Variants in LRIG1 observed in about 807,000 individuals in gnomAD.
LRIG1 encodes leucine-rich repeats and immunoglobulin-like domains protein 1.
Under a neutral mutation model 99.2 loss-of-function variants are expected in LRIG1, and 48 were observed. The observed-to-expected ratio is 0.48, with a 90% CI of 0.38 to 0.62. The LOEUF is 0.62. LRIG1 is among the 20% of genes least tolerant of loss of function. LRIG1 has a pLI of 0.00. For synonymous variants in LRIG1, 772 were observed against 596.1 expected (o/e 1.29, Z -4.30); for missense variants, 1,646 against 1,434.4 (o/e 1.15, Z -2.38).
At chr3:66,410,769 T>C (rs553644128) in intron 6 of LRIG1, among the ~76,000 whole-genome samples, 3 of 152,284 alleles carry the variant, frequency 2.0e-5, no homozygotes, top group African/African-American at 7.2e-5. Context: ...GGAGAGCGAA[T>C]AGGAGGCGGC....
chr3:66,465,601 G>T (rs867052195), intron 1 of LRIG1, among the ~76,000 whole-genome samples: 84 of 151,916 alleles, frequency 5.5e-4, no homozygotes, highest in Middle Eastern at 3.4e-3. Flanking sequence ...CCTGACCTCA[G>T]GTGATCCACC....
At chr3:66,461,324 C>A (rs1355049479) in intron 2 of LRIG1, among the ~76,000 whole-genome samples, 1 of 151,862 alleles carries the variant, frequency 6.6e-6, no homozygotes, top group South Asian at 2.1e-4. Flanking sequence ...AACAAACAAA[C>A]AAAAAACAAC....
chr3:66,475,316 C>T (rs1209129468), intron 1 of LRIG1, among the ~76,000 whole-genome samples: 2 of 152,158 alleles, frequency 1.3e-5, no homozygotes, highest in African/African-American at 2.4e-5. Flanking sequence ...GAATGACTTG[C>T]GTCTGCATAC....
rs572173862 is a variant in LRIG1 at position 66,380,394 on chromosome 3, CCG to C, written c.3149_3150del (p.Ala1050GlyfsTer17). 1.4e-3 allele frequency: 2,316 copies of C among 1,614,158 alleles called. 1 individual carries two copies. Among genetic ancestry groups the C allele is most frequent in the Non-Finnish European group, 1.8e-3 (2,093 of 1,180,034 alleles). ...TTGGAAACAAGCAAGTACTGGGCTTCCGCGCGCTCTGGACTGCCTGAAGTTAA... is the reference window on the plus strand; with the variant it reads ...TTGGAAACAAGCAAGTACTGGGCTTCCGCGCTCTGGACTGCCTGAAGTTAA... ...SSLTSGSPER[A>X]EAQYLLVSNG... On this transcript the variant is annotated frameshift_variant, in exon 19 of 19. Coordinates refer to ENST00000273261, the MANE Select transcript of LRIG1 (RefSeq NM_015541.3). LOFTEE classifies it low-confidence loss of function (END_TRUNC).
chr3:66,443,911 T>C (rs182251938), intron 3 of LRIG1, among the ~76,000 whole-genome samples: 4 of 152,258 alleles, frequency 2.6e-5, no homozygotes, highest in Non-Finnish European at 5.9e-5. Context: ...AATCTGGTCA[T>C]AAACAATGCA....
intron 1 of LRIG1, among the ~76,000 whole-genome samples, chr3:66,475,099 T>C (rs142148030): frequency 7.5e-4 from 114 of 152,308 alleles, no homozygotes; most frequent in African/African-American, 2.6e-3. Context: ...ATCAGCTACA[T>C]TGAGGCAGCT....
At chr3:66,489,425 G>A (rs1701049644) in intron 1 of LRIG1, among the ~76,000 whole-genome samples, 1 of 152,150 alleles carries the variant, frequency 6.6e-6, no homozygotes. Flanking sequence ...AGTAGACTGA[G>A]GTAGGAGGAT....
chr3:66,381,484 T>G lies in LRIG1; in HGVS notation c.2765A>C (p.Lys922Thr). Residue 922 changes from lysine (K) to threonine (T), a missense_variant, in exon 17 of 19, where the codon AAG becomes ACG. Coordinates refer to ENST00000273261, the MANE Select transcript of LRIG1 (RefSeq NM_015541.3). ...EKAEGTPGPH[K>T]MEHGGRVVCS... ...CAATGGGAAGCATCTCATACCCATC[T>G]TATGTGGCCCAGGTGTCCCTTCAGC... The G allele has an allele frequency of 6.2e-7, 1 of 1,612,960 alleles. No homozygotes were observed. Among genetic ancestry groups the G allele is most frequent in the South Asian group, 1.1e-5 (1 of 91,064 alleles).
intron 1 of LRIG1, among the ~76,000 whole-genome samples, chr3:66,480,005 G>A (rs908272093): frequency 2.0e-5 from 3 of 152,066 alleles, no homozygotes; most frequent in Admixed American, 6.6e-5. Flanking sequence ...AAAAACTTAC[G>A]CACAAATGTT....
At chr3:66,401,730 T>G (rs1282470660) in intron 9 of LRIG1, 2 of 1,308,356 alleles carry the variant, frequency 1.5e-6, no homozygotes, top group Non-Finnish European at 1.0e-6. Flanking sequence ...GAGGACACTA[T>G]TTCTGTACCA....
chr3:66,452,655 A>C (rs1260364179), intron 2 of LRIG1, among the ~76,000 whole-genome samples: 3 of 152,180 alleles, frequency 2.0e-5, no homozygotes, highest in Admixed American at 2.0e-4. Context: ...AAGCAACTGA[A>C]ATCACAGCTG....
chr3:66,469,983 G>A (rs1700560296), intron 1 of LRIG1, among the ~76,000 whole-genome samples: 1 of 151,718 alleles, frequency 6.6e-6, no homozygotes, highest in Non-Finnish European at 1.5e-5. Flanking sequence ...ATTCTGTAAT[G>A]GTAGATCAGT....
At chr3:66,418,482 C>A (rs1251978271) in intron 3 of LRIG1, among the ~76,000 whole-genome samples, 1 of 152,218 alleles carries the variant, frequency 6.6e-6, no homozygotes, top group African/African-American at 2.4e-5. Context: ...CTAGCCAAGG[C>A]TAGAGGTAGC....
chr3:66,412,344 C>T (rs913898462), intron 6 of LRIG1, among the ~76,000 whole-genome samples: 3 of 152,158 alleles, frequency 2.0e-5, no homozygotes, highest in African/African-American at 4.8e-5. Flanking sequence ...GGGTCTGTTC[C>T]GCAGCCCCAC....
intron 1 of LRIG1, among the ~76,000 whole-genome samples, chr3:66,470,148 A>T (rs960688266): frequency 2.0e-5 from 3 of 152,176 alleles, no homozygotes; most frequent in African/African-American, 7.2e-5. Context: ...TTCCTAACAG[A>T]AACAATCAAC....
intron 1 of LRIG1, among the ~76,000 whole-genome samples, chr3:66,495,908 G>A (rs930597292): frequency 5.3e-5 from 8 of 152,200 alleles, no homozygotes; most frequent in African/African-American, 1.9e-4. Context: ...GTGTCTGAGG[G>A]AGAGAAAGGT....
intron 7 of LRIG1, among the ~76,000 whole-genome samples, chr3:66,408,193 G>A (rs1268872733): frequency 6.6e-6 from 1 of 152,204 alleles, no homozygotes; most frequent in African/African-American, 2.4e-5. Context: ...TTGAAAAATT[G>A]GGGCTGGGGC....
intron 1 of LRIG1, among the ~76,000 whole-genome samples, chr3:66,482,679 A>C (rs919012695): frequency 2.6e-5 from 4 of 152,212 alleles, no homozygotes; most frequent in Admixed American, 6.5e-5. Context: ...ATGGCTAAAC[A>C]TTTATGCATA....
chr3:66,470,684 G>C (rs1008227065), intron 1 of LRIG1, among the ~76,000 whole-genome samples: 8 of 152,140 alleles, frequency 5.3e-5, no homozygotes, highest in African/African-American at 1.9e-4. Context: ...CATAAGAACA[G>C]AGTATCGCCT....
Sources: gnomAD v4.1 joint callset for allele counts (sites outside exome capture counted in the v4.1 genomes callset) on GRCh38, gnomAD v4.1.1 for gene constraint, MANE v1.5 for transcripts, NCBI Gene and HGNC (gene_info 2026-07-23, HGNC 2026-07-21) for gene names.